The following RNH1 variants were observed in gnomAD, a reference collection of about 807,000 sequenced individuals.
RNH1 encodes the protein ribonuclease inhibitor.
In RNH1, 38 loss-of-function variants were observed where a neutral mutation model predicts 46.1. The ratio of observed to expected loss-of-function variants is 0.82; its 90% CI spans 0.64 to 1.08. RNH1 has a LOEUF of 1.08. RNH1 is among the 50% of genes least tolerant of loss of function. The pLI is 0.00. For synonymous variants in RNH1, 319 were observed against 279.1 expected (o/e 1.14, Z -1.43); for missense variants, 577 against 590.7 (o/e 0.98, Z 0.24).
intron 4 of RNH1, 27 bp from the exon 5 acceptor site, chr11:500,026 G>C: frequency 6.6e-7 from 1 of 1,510,148 alleles, no homozygotes; most frequent in Non-Finnish European, 8.8e-7. Context: ...TGTCAGCAGG[G>C]CTCCCCTGAG....
In RNH1 at chr11:507,190, C is replaced by T. The variant is rs1167329284; in HGVS notation, c.-338G>A. On this transcript the variant is annotated 5_prime_UTR_variant, in exon 1 of 11. Transcript: ENST00000354420. ...CTACTTCGTTCTCGAGCCAGCAGAA[C>T]GGGTTGAACGTGTCGACAACCCCAC... 1 of 152,054 alleles carries T rather than the reference C, an allele frequency of 6.6e-6. No homozygotes were observed. Among genetic ancestry groups the T allele is most frequent in the African/African-American group, 2.4e-5 (1 of 41,430 alleles). The allele number at this position is 152,054 out of a possible 1,614,324, so 9.4% of individuals were successfully genotyped here. A position where few individuals can be genotyped will look rare whatever the true frequency, so the allele number is the denominator to read the frequency against.
chr11:501,842 C>A lies in RNH1; in HGVS notation c.101+220G>T. 1 of 565,326 alleles carries A rather than the reference C, an allele frequency of 1.8e-6. No homozygotes were observed. The allele number at this position is 565,326 out of a possible 1,614,324, so 35.0% of individuals were successfully genotyped here. ...GCCAGTGGCCGCCCACCTCGGCCCG[C>A]CCACCTCAGCCCATGCTGCATGAGC... is the stretch of plus-strand genomic sequence containing the variant. On this transcript the variant is annotated intron_variant, in intron 3 of 10. Transcript: ENST00000354420. The surrounding 1 kb of genome is among the most constrained non-coding windows in gnomAD (Gnocchi z 4.1).
rs1335794117 is a variant in RNH1, at chr11:504,978, A to G, written c.-242T>C. The G allele has an allele frequency of 6.6e-6, 1 of 152,110 alleles. No individual in the cohort carries two copies. Among genetic ancestry groups the G allele is most frequent in the Non-Finnish European group, 1.5e-5 (1 of 68,032 alleles). The allele number at this position is 152,110 out of a possible 1,614,324, so 9.4% of individuals were successfully genotyped here. A position where few individuals can be genotyped will look rare whatever the true frequency, so the allele number is the denominator to read the frequency against. ...TTTGGACACACCCTCCGTTTCTGTCAGTCAAGAGTTCTTCATGCCTGAGCT... is the reference window on the plus strand; with the variant it reads ...TTTGGACACACCCTCCGTTTCTGTCGGTCAAGAGTTCTTCATGCCTGAGCT... On this transcript the variant is annotated 5_prime_UTR_variant, in exon 2 of 11. Coordinates refer to ENST00000354420, the MANE Select transcript of RNH1 (RefSeq NM_203387.3).
intron 9 of RNH1, among the ~76,000 whole-genome samples, chr11:496,226 CCAA>C (rs1025203399): frequency 3.0e-4 from 45 of 152,302 alleles, no homozygotes; most frequent in African/African-American, 9.6e-4. Context: ...TGAAAAGCTG[CCAA>C]CGAGAAAAAG....
intron 4 of RNH1, 187 bp downstream of exon 4, chr11:500,297 G>A: frequency 1.3e-6 from 1 of 755,430 alleles, no homozygotes; most frequent in Non-Finnish European, 2.1e-6. Context: ...GGATAAGGCA[G>A]GAAGGGCCCT....
At position 501,161 on chromosome 11, in the gene RNH1, G is replaced by T. The variant is rs1849716038; in HGVS notation, c.102-507C>A. The stretch of plus-strand genomic sequence containing the variant: ...ATTTAAAGTATCTCTCGAAGGCACT[G>T]ATCAGTCACAGGAGGAAAGGCAGTG... On this transcript the variant is annotated intron_variant, in intron 3 of 10. Coordinates refer to ENST00000354420, the MANE Select transcript of RNH1 (RefSeq NM_203387.3). The surrounding 1 kb of genome is among the most constrained non-coding windows in gnomAD (Gnocchi z 4.1). 2 of 278,144 alleles carry T rather than the reference G, an allele frequency of 7.2e-6. No homozygotes were observed. Among genetic ancestry groups the T allele is most frequent in the Non-Finnish European group, 1.4e-5 (2 of 141,700 alleles). 17.2% of individuals were successfully genotyped at this position (278,144 alleles called of 1,614,324 possible).
Position 498,566 on chromosome 11 carries a change from T to A in RNH1, c.847A>T (p.Lys283Ter). The A allele has an allele frequency of 4.3e-6, 7 of 1,613,164 alleles. No homozygotes were observed. Among genetic ancestry groups the A allele is most frequent in the Non-Finnish European group, 5.9e-6 (7 of 1,180,026 alleles). Residue 283 changes from lysine (K) to a stop codon, truncating the protein, a stop_gained, in exon 8 of 11, where the codon AAG becomes TAG. Transcript: ENST00000354420. LOFTEE classifies it high-confidence loss of function. ...AGGCTGAGCTCCTTCAGGCTCTCCT[T>A]GGCCCTGAGGACACGGCACAGATCC... is the stretch of plus-strand genomic sequence containing the variant. Reference protein sequence around the residue: ...CGDLCRVLRAKESLKELSLAG... With the variant: ...CGDLCRVLRA
intron 1 of RNH1, 187 bp downstream of exon 1, chr11:506,926 C>G (rs1850324456): frequency 6.6e-6 from 1 of 152,264 alleles, no homozygotes; most frequent in Non-Finnish European, 1.5e-5. Context: ...CTGCCCAGCG[C>G]AACCTCGGCC....
intron 2 of RNH1, among the ~76,000 whole-genome samples, chr11:503,817 C>G (rs960503882): frequency 6.6e-6 from 1 of 152,092 alleles, no homozygotes; most frequent in Non-Finnish European, 1.5e-5. Flanking sequence ...CGGGAGTAGC[C>G]CCGTCCCTAC....
Position 499,960 on chromosome 11 carries a change from G to C in RNH1, c.312C>G (p.Val104=), listed in dbSNP as rs1408291987. The change falls in exon 5 of 11, where the codon GTC becomes GTG. Residue 104 remains valine (V), a synonymous_variant. Transcript: ENST00000354420. ...GCAGGGTGCGTAGTGTGCTGGACAGGACCCCGCAGCCGGCCCCCGTCAGGC... is the reference window on the plus strand; with the variant it reads ...GCAGGGTGCGTAGTGTGCTGGACAGCACCCCGCAGCCGGCCCCCGTCAGGC... ...NCCLTGAGCG[V]LSSTLRTLPT... is the part of the protein sequence containing the mutation. 4.4e-6 allele frequency: 7 copies of C among 1,602,458 alleles called. No individual in the cohort carries two copies.
rs556804907 is a variant in RNH1, at chr11:498,430, G to A, written c.956+27C>T. The A allele has an allele frequency of 2.5e-5, 41 of 1,608,578 alleles. No homozygotes were observed. The East Asian group carries it at 6.7e-4, about 26-fold the overall frequency. On this transcript the variant is annotated intron_variant, in intron 8 of 10. Coordinates refer to ENST00000354420, the MANE Select transcript of RNH1 (RefSeq NM_203387.3). ...CACCCTGGCCCTCTCTTGGGCGACA[G>A]GGCCCTGCCCCGACAGCCACACTCA...
Position 494,697 on chromosome 11 carries a change from G to A in RNH1, c.1380C>T (p.Ile460=), listed in dbSNP as rs769325650. 3 of 1,613,690 alleles carry A rather than the reference G, an allele frequency of 1.9e-6. No homozygotes were observed. Among genetic ancestry groups the A allele is most frequent in the South Asian group, 1.1e-5 (1 of 91,082 alleles). The part of the protein sequence containing the change: ...LEKDKPSLRV[I]S Reference sequence around the variant, plus strand: ...AGCAGCAGCAGGAAGAGCCTCAGGAGATGACCCTCAGGGATGGCTTGTCCT... The same window carrying A: ...AGCAGCAGCAGGAAGAGCCTCAGGAAATGACCCTCAGGGATGGCTTGTCCT... Residue 460 remains isoleucine, a synonymous_variant, in exon 11 of 11, where the codon ATC becomes ATT. Coordinates refer to ENST00000354420, the MANE Select transcript of RNH1 (RefSeq NM_203387.3).
At chr11:498,667 T>C in intron 7 of RNH1, 40 bp from the exon 8 acceptor site, 1 of 1,606,930 alleles carries the variant, frequency 6.2e-7, no homozygotes, top group Non-Finnish European at 8.5e-7. Context: ...CTCAGCACCG[T>C]CTCATGGCCT....
chr11:499,595 G>A, intron 5 of RNH1: 1 of 718,246 alleles, frequency 1.4e-6, no homozygotes, highest in Non-Finnish European at 2.5e-6. Context: ...GCCTTGCAAA[G>A]GACAACTGGA....
chr11:498,699 G>A (rs1849402628), intron 7 of RNH1, 64 bp downstream of exon 7: 3 of 1,596,092 alleles, frequency 1.9e-6, no homozygotes, highest in South Asian at 2.2e-5. Flanking sequence ...AGGGGCGGGG[G>A]AGAGCTCTGA....
rs975623450 is a variant in RNH1 at position 501,827 on chromosome 11, G to A, written c.101+235C>T. ...GCCAGAGACCCACTGGCCAGTGGCC[G>A]CCCACCTCGGCCCGCCCACCTCAGC... On this transcript the variant is annotated intron_variant, in intron 3 of 10. Coordinates refer to ENST00000354420, the MANE Select transcript of RNH1 (RefSeq NM_203387.3). The surrounding 1 kb of genome is among the most constrained non-coding windows in gnomAD (Gnocchi z 4.1). 32 of 545,254 alleles carry A rather than the reference G, an allele frequency of 5.9e-5. No homozygotes were observed. The highest frequency in any genetic ancestry group is 9.3e-5 in the Non-Finnish European group (28 of 302,672). 33.8% of individuals were successfully genotyped at this position (545,254 alleles called of 1,614,324 possible). A position where few individuals can be genotyped will look rare whatever the true frequency, so the allele number is the denominator to read the frequency against.
chr11:500,565 C>T lies in RNH1; in HGVS notation c.191G>A (p.Arg64His), dbSNP rs756605227. ...GCCGACATCGCCCAGCTCGTTGCTGCGCAGGTTGAGCTCTGCCAGTGCAGG... is the reference window on the plus strand; with the variant it reads ...GCCGACATCGCCCAGCTCGTTGCTGTGCAGGTTGAGCTCTGCCAGTGCAGG... The part of the protein sequence containing the change: ...VNPALAELNL[R>H]SNELGDVGVH... Residue 64 changes from arginine (R) to histidine (H), a missense_variant, in exon 4 of 11, where the codon CGC becomes CAC. Arg to His is a conservative substitution (Grantham distance 29). Transcript: ENST00000354420. 37 of 1,611,006 alleles carry T rather than the reference C, an allele frequency of 2.3e-5. No homozygotes were observed. The East Asian group carries it at 4.2e-4, about 18-fold the overall frequency.
In RNH1 at chr11:500,060, G is replaced by GCCAGAGC. The variant is rs367568472; in HGVS notation, c.273-68_273-62dup. On this transcript the variant is annotated intron_variant, in intron 4 of 10. Transcript: ENST00000354420. ...AGCCAAGCTGCCACGCCCTTCGCCT[G>GCCAGAGC]CCAGAGCCCAGAGCCCGGAGCAGCA... 708 of 1,465,504 alleles carry GCCAGAGC rather than the reference G, an allele frequency of 4.8e-4. 3 individuals carry two copies. The African/African-American group carries it at 8.8e-3, about 18-fold the overall frequency. 90.8% of individuals were successfully genotyped at this position (1,465,504 alleles called of 1,614,324 possible).
chr11:494,980 G>T lies in RNH1; in HGVS notation c.1201C>A (p.Arg401Ser). 14 of 1,605,838 alleles carry T rather than the reference G, an allele frequency of 8.7e-6. No individual in the cohort carries two copies. Among genetic ancestry groups the T allele is most frequent in the Non-Finnish European group, 1.2e-5 (14 of 1,176,628 alleles). ...AATLLANHSLRELDLSNNCLG... is the reference protein window; with the variant it reads ...AATLLANHSLSELDLSNNCLG... ...CAGTTGTTGCTGAGGTCCAGCTCAC[G>T]CAGGCTGTGGTTGGCCAACAGGGTT... The change falls in exon 10 of 11, where the codon CGT becomes AGT. Residue 401 changes from arginine (R) to serine (S), a missense_variant. Physicochemically the swap from Arg to Ser is moderately radical, Grantham distance 110. Coordinates refer to ENST00000354420, the MANE Select transcript of RNH1 (RefSeq NM_203387.3).
Sources: allele counts gnomAD v4.1 joint callset (sites outside exome capture counted in the v4.1 genomes callset), GRCh38; gene constraint gnomAD v4.1.1; non-coding constraint Gnocchi (gnomAD v3.1); transcripts MANE v1.5; gene names NCBI Gene and HGNC (gene_info 2026-07-23, HGNC 2026-07-21).